FBXO11: variants seen among roughly 807,000 people sequenced by gnomAD.
FBXO11 encodes the protein F-box only protein 11.
A neutral mutation model predicts 117.0 loss-of-function variants in FBXO11; 13 were observed. The observed-to-expected ratio is 0.11, with a 90% CI of 0.07 to 0.18. FBXO11 has a LOEUF of 0.18. FBXO11 is among the 10% of genes least tolerant of loss of function. The probability of loss-of-function intolerance (pLI) is 1.00; values close to 1 mark genes in which losing one functional copy is unlikely to be tolerated. For synonymous variants in FBXO11, 490 were observed against 380.5 expected (o/e 1.29, Z -3.35); for missense variants, 767 against 1,164.4 (o/e 0.66, Z 4.97).
intron 1 of FBXO11, among the ~76,000 whole-genome samples, chr2:47,890,683 T>C (rs1572913426): frequency 6.6e-6 from 1 of 151,882 alleles, no homozygotes; most frequent in South Asian, 2.1e-4. Flanking sequence ...CAAGCGCCTA[T>C]AACCCCAACT....
chr2:47,848,171 T>C (rs1317627447), intron 1 of FBXO11, among the ~76,000 whole-genome samples: 3 of 148,058 alleles, frequency 2.0e-5, no homozygotes, highest in African/African-American at 4.9e-5. Context: ...CACACACACA[T>C]ATATATCTTT....
rs1678144165 is a variant in FBXO11, at chr2:47,900,766, A to ATC, written c.232+4722_232+4723insGA. On this transcript the variant is annotated intron_variant, in intron 1 of 22. Coordinates refer to ENST00000403359, the MANE Select transcript of FBXO11 (RefSeq NM_001190274.2). ...TATACACGTATACACACACGTGTAT[A>ATC]TATATACACGTATACACACACGTGT... is the stretch of plus-strand genomic sequence containing the variant. Among the ~76,000 whole-genome samples, 11 of 116,716 alleles carry ATC rather than the reference A, an allele frequency of 9.4e-5. 2 individuals carry two copies. The highest frequency in any genetic ancestry group is 1.8e-4 in the Non-Finnish European group (10 of 54,154). The allele number at this position is 116,716 out of a possible 152,430, so 76.6% of individuals were successfully genotyped here.
intron 1 of FBXO11, among the ~76,000 whole-genome samples, chr2:47,889,506 G>A (rs1677109254): frequency 6.6e-6 from 1 of 152,142 alleles, no homozygotes; most frequent in Non-Finnish European, 1.5e-5. Context: ...TATCAAGTGA[G>A]TGTGAGATGA....
At chr2:47,821,307 T>TCTCTATTAAAAATGCAAAA (rs1671362603) in intron 13 of FBXO11, among the ~76,000 whole-genome samples, 1 of 150,772 alleles carries the variant, frequency 6.6e-6, no homozygotes. Context: ...GCAAAACCTG[T>TCTCTATTAAAAATGCAAAA]CTCTATTAAA....
intron 1 of FBXO11, among the ~76,000 whole-genome samples, chr2:47,889,481 G>C (rs114856199): frequency 1.3e-5 from 2 of 152,312 alleles, no homozygotes; most frequent in Non-Finnish European, 2.9e-5. Flanking sequence ...AAGCCTGTAA[G>C]ATGGTCCGAC....
At chr2:47,815,575 C>T (rs187184413) in intron 16 of FBXO11, among the ~76,000 whole-genome samples, 1 of 152,274 alleles carries the variant, frequency 6.6e-6, no homozygotes, top group Non-Finnish European at 1.5e-5. Context: ...GTTTAATGAG[C>T]CCTGACAGCA....
At chr2:47,895,023 G>A (rs1428394795) in intron 1 of FBXO11, among the ~76,000 whole-genome samples, 1 of 152,028 alleles carries the variant, frequency 6.6e-6, no homozygotes, top group Non-Finnish European at 1.5e-5. Context: ...ATTATGAGAT[G>A]CCATATTCAC....
intron 7 of FBXO11, among the ~76,000 whole-genome samples, chr2:47,833,893 C>G (rs1244034901): frequency 6.6e-6 from 1 of 151,634 alleles, no homozygotes; most frequent in African/African-American, 2.4e-5. Flanking sequence ...GTCTTTAACT[C>G]CTGACCTGAA....
chr2:47,852,354 G>A (rs1673939629), intron 1 of FBXO11, among the ~76,000 whole-genome samples: 1 of 152,120 alleles, frequency 6.6e-6, no homozygotes, highest in Non-Finnish European at 1.5e-5. Flanking sequence ...TGGAGAGGGG[G>A]CTCAGCATCA....
At chr2:47,851,525 C>T (rs72809602) in intron 1 of FBXO11, among the ~76,000 whole-genome samples, 2 of 152,192 alleles carry the variant, frequency 1.3e-5, no homozygotes, top group Non-Finnish European at 2.9e-5. Context: ...CCGCGCCTGG[C>T]CTATTAATTT....
intron 1 of FBXO11, among the ~76,000 whole-genome samples, chr2:47,854,379 T>C (rs1286967953): frequency 6.6e-6 from 1 of 152,014 alleles, no homozygotes; most frequent in Non-Finnish European, 1.5e-5. Context: ...ATGTTCTCTA[T>C]AAAGTTTTCC....
chr2:47,901,006 G>GATT (rs1553362518), intron 1 of FBXO11, among the ~76,000 whole-genome samples: 1 of 133,460 alleles, frequency 7.5e-6, no homozygotes, highest in Non-Finnish European at 1.7e-5. Context: ...CCGGTGGGGA[G>GATT]ATATATATAT....
chr2:47,817,743 G>A (rs1190794661), intron 16 of FBXO11, among the ~76,000 whole-genome samples: 5 of 152,212 alleles, frequency 3.3e-5, no homozygotes, highest in Non-Finnish European at 5.9e-5. Context: ...GACAGAGATG[G>A]GAATGGCTGC....
At chr2:47,838,187 C>A (rs1047733470) in intron 4 of FBXO11, among the ~76,000 whole-genome samples, 1 of 151,696 alleles carries the variant, frequency 6.6e-6, no homozygotes. Context: ...GAGCTAGGAG[C>A]GTGACACTGC....
At chr2:47,905,313 G>A (rs1193626910) in intron 1 of FBXO11, 176 bp downstream of exon 1, 6 of 552,766 alleles carry the variant, frequency 1.1e-5, no homozygotes, top group Admixed American at 5.1e-5. Flanking sequence ...TTTTCCTGCC[G>A]GCCGGGCCCG....
intron 13 of FBXO11, among the ~76,000 whole-genome samples, chr2:47,821,377 G>A (rs541013471): frequency 1.1e-4 from 16 of 152,166 alleles, no homozygotes; most frequent in Admixed American, 3.9e-4. Flanking sequence ...TTGGGAGACC[G>A]AGGCAGGCAG....
intron 1 of FBXO11, among the ~76,000 whole-genome samples, chr2:47,873,245 A>C (rs377148799): frequency 3.1e-4 from 47 of 152,294 alleles, no homozygotes; most frequent in African/African-American, 1.1e-3. Context: ...TTTAATCAAC[A>C]TTTTAGGTTT....
chr2:47,893,390 G>A (rs979992028), intron 1 of FBXO11, among the ~76,000 whole-genome samples: 19 of 152,006 alleles, frequency 1.2e-4, no homozygotes, highest in African/African-American at 4.3e-4. Flanking sequence ...GAGATATAAG[G>A]ATAAACAGAT....
At position 47,809,716 on chromosome 2, in the gene FBXO11, A is replaced by G; in HGVS notation, c.2339-9T>C. ...ATTTGTAATTTCAATACCTGAAGTA[A>G]AATTTACAAACAAGTAGATACATCA... is the stretch of plus-strand genomic sequence containing the variant. On this transcript the variant is annotated splice_polypyrimidine_tract_variant and intron_variant, in intron 19 of 22. Coordinates refer to ENST00000403359, the MANE Select transcript of FBXO11 (RefSeq NM_001190274.2). 1 of 1,585,092 alleles carries G rather than the reference A, an allele frequency of 6.3e-7. No individual in the cohort carries two copies. Among genetic ancestry groups the G allele is most frequent in the Non-Finnish European group, 8.7e-7 (1 of 1,154,808 alleles).
Sources: gnomAD v4.1 joint callset for allele counts (sites outside exome capture counted in the v4.1 genomes callset) on GRCh38, gnomAD v4.1.1 for gene constraint, MANE v1.5 for transcripts, NCBI Gene and HGNC (gene_info 2026-07-23, HGNC 2026-07-21) for gene names.